The following SGIP1 variants were observed in gnomAD, a reference collection of about 807,000 sequenced individuals.
The protein encoded by SGIP1 is SH3GL interacting endocytic adaptor 1, also known as SH3-containing GRB2-like protein 3-interacting protein 1.
SGIP1 carries 38 observed loss-of-function variants against 107.5 expected under a neutral mutation model. The ratio of observed to expected loss-of-function variants is 0.35; its 90% CI spans 0.27 to 0.46. SGIP1 has a LOEUF of 0.46. Ranked by LOEUF, SGIP1 falls within the 20% of genes least tolerant of loss-of-function variation. The probability of loss-of-function intolerance (pLI) is 1.00; values close to 1 mark genes in which losing one functional copy is unlikely to be tolerated. For synonymous variants in SGIP1, 365 were observed against 366.1 expected (o/e 1.00, Z 0.03); for missense variants, 929 against 1,019.5 (o/e 0.91, Z 1.21).
At chr1:66,719,569 T>A (rs1331561994) in intron 19 of SGIP1, among the ~76,000 whole-genome samples, 164 bp downstream of exon 19, 1 of 152,206 alleles carries the variant, frequency 6.6e-6, no homozygotes, top group Non-Finnish European at 1.5e-5. Flanking sequence ...TCATTAGGAA[T>A]ATTGATTTCA....
At position 66,729,366 on chromosome 1, in the gene SGIP1, G is replaced by T. The variant is rs753653637; in HGVS notation, c.1845G>T (p.Val615=). 1 of 1,614,088 alleles carries T rather than the reference G, an allele frequency of 6.2e-7. No individual in the cohort carries two copies. ...NPSPAALTFR[V]INFSRLEHVL... is the part of the protein sequence containing the mutation. ...CCCCAGCTGCTCTGACTTTTCGGGT[G>T]ATAAATTTCAGCAGGTTAGAACACG... Residue 615 remains valine (V), a synonymous_variant, in exon 20 of 25, where the codon GTG becomes GTT. Coordinates refer to ENST00000371037, the MANE Select transcript of SGIP1 (RefSeq NM_032291.4).
intron 1 of SGIP1, among the ~76,000 whole-genome samples, chr1:66,569,000 C>T (rs2060032596): frequency 2.6e-5 from 4 of 151,848 alleles, no homozygotes; most frequent in African/African-American, 9.7e-5. Context: ...AAAAAGACCT[C>T]AGCAATATGC....
chr1:66,728,594 A>G (rs2093865945), intron 19 of SGIP1, among the ~76,000 whole-genome samples: 1 of 152,222 alleles, frequency 6.6e-6, no homozygotes, highest in African/African-American at 2.4e-5. Flanking sequence ...CAGAGATCCC[A>G]TTACCGGTTA....
intron 1 of SGIP1, among the ~76,000 whole-genome samples, chr1:66,596,981 G>T (rs2064838165): frequency 6.6e-6 from 1 of 152,072 alleles, no homozygotes; most frequent in African/African-American, 2.4e-5. Flanking sequence ...TTACTTTGAA[G>T]ACAGTCCCCA....
intron 1 of SGIP1, chr1:66,616,186 G>A (rs1330363385): frequency 6.6e-6 from 1 of 152,128 alleles, no homozygotes; most frequent in Non-Finnish European, 1.5e-5. Context: ...TTGAGACTGA[G>A]TTTGGTTTTG....
intron 1 of SGIP1, among the ~76,000 whole-genome samples, chr1:66,537,000 C>T (rs1318330785): frequency 1.3e-5 from 2 of 152,074 alleles, no homozygotes; most frequent in Non-Finnish European, 2.9e-5. Flanking sequence ...TTGTGTGGAA[C>T]AGGATATAGG....
intron 1 of SGIP1, among the ~76,000 whole-genome samples, chr1:66,535,651 T>G (rs1443839772): frequency 6.6e-6 from 1 of 152,226 alleles, no homozygotes; most frequent in Non-Finnish European, 1.5e-5. Flanking sequence ...TATGATTTTG[T>G]TATGGAGCTG....
At chr1:66,711,087 A>C (rs1228573034) in intron 18 of SGIP1, among the ~76,000 whole-genome samples, 2 of 152,198 alleles carry the variant, frequency 1.3e-5, no homozygotes, top group African/African-American at 4.8e-5. Context: ...CTCAATTATT[A>C]ATGTAGCTTA....
At chr1:66,534,016 G>C (rs530500626), upstream of SGIP1, 8 of 368,730 alleles carry the variant, frequency 2.2e-5, no homozygotes, top group East Asian at 3.7e-4. Flanking sequence ...AATAGGTTCT[G>C]TGTGCTCTCC....
At chr1:66,592,897 C>CTTTTTTTTTTT (rs35762612) in intron 1 of SGIP1, among the ~76,000 whole-genome samples, 11 of 56,356 alleles carry the variant, frequency 2.0e-4, no homozygotes, top group Non-Finnish European at 2.4e-4. Flanking sequence ...TCTTCTTCTT[C>CTTTTTTTTTTT]TTTTTTTTTT....
intron 1 of SGIP1, among the ~76,000 whole-genome samples, chr1:66,554,729 C>A (rs1006406413): frequency 7.9e-5 from 12 of 152,028 alleles, no homozygotes; most frequent in Admixed American, 5.2e-4. Context: ...TGCAAATATT[C>A]AAAAATCTGA....
At chr1:66,734,467 C>T (rs2094143952) in intron 21 of SGIP1, among the ~76,000 whole-genome samples, 1 of 150,652 alleles carries the variant, frequency 6.6e-6, no homozygotes, top group Non-Finnish European at 1.5e-5. Flanking sequence ...CTGAGTCTCT[C>T]ATTGGTTCCC....
chr1:66,653,929 A>G (rs1359461), intron 7 of SGIP1, among the ~76,000 whole-genome samples: 57,213 of 152,004 alleles, frequency 0.38, 11,803 homozygotes, highest in East Asian at 0.78. Context: ...TAAGTTTTTT[A>G]CAGAAGCCTA....
chr1:66,564,809 C>A (rs1371551816), intron 1 of SGIP1, among the ~76,000 whole-genome samples: 1 of 151,866 alleles, frequency 6.6e-6, no homozygotes, highest in Non-Finnish European at 1.5e-5. Context: ...CCCTCCTTCC[C>A]AAGGAGGAAT....
chr1:66,596,585 G>T (rs2064760641), intron 1 of SGIP1, among the ~76,000 whole-genome samples: 3 of 151,594 alleles, frequency 2.0e-5, no homozygotes, highest in African/African-American at 7.3e-5. Context: ...TTCTCAATCT[G>T]GTCCAAGGAT....
At chr1:66,672,434 TA>T (rs2084053202) in intron 11 of SGIP1, among the ~76,000 whole-genome samples, 1 of 152,220 alleles carries the variant, frequency 6.6e-6, no homozygotes, top group African/African-American at 2.4e-5. Flanking sequence ...CATTGTATTT[TA>T]CAGTGTATTC....
intron 1 of SGIP1, among the ~76,000 whole-genome samples, chr1:66,622,757 T>G (rs541224380): frequency 2.4e-4 from 36 of 152,316 alleles, no homozygotes; most frequent in African/African-American, 8.7e-4. Flanking sequence ...AGTAAAATTA[T>G]TTCCCTTTAG....
At chr1:66,634,225 G>T in intron 3 of SGIP1, 1 of 1,327,260 alleles carries the variant, frequency 7.5e-7, no homozygotes, top group South Asian at 1.2e-5. Flanking sequence ...GGGTTCTCTG[G>T]TCCCCTCTGA....
At chr1:66,542,670 T>C (rs1054939977) in intron 1 of SGIP1, among the ~76,000 whole-genome samples, 2 of 152,374 alleles carry the variant, frequency 1.3e-5, no homozygotes, top group East Asian at 3.9e-4. Context: ...TTAAAACTTA[T>C]GAATTGGTTA....
Sources: allele counts gnomAD v4.1 joint callset (sites outside exome capture counted in the v4.1 genomes callset), GRCh38; gene constraint gnomAD v4.1.1; transcripts MANE v1.5; gene names NCBI Gene and HGNC (gene_info 2026-07-23, HGNC 2026-07-21).